CABCOCO1: variants seen among roughly 807,000 people sequenced by gnomAD.
CABCOCO1 encodes the protein ciliary-associated calcium-binding coiled-coil protein 1.
CABCOCO1 carries 28 observed loss-of-function variants against 35.7 expected under a neutral mutation model. The ratio of observed to expected loss-of-function variants is 0.78; its 90% CI spans 0.58 to 1.07. CABCOCO1 has a LOEUF of 1.07. Ranked by LOEUF, CABCOCO1 falls within the 50% of genes least tolerant of loss-of-function variation. The pLI, the probability that CABCOCO1 is intolerant of heterozygous loss-of-function variation, is 0.00. For synonymous variants in CABCOCO1, 95 were observed against 100.1 expected (o/e 0.95, Z 0.30); for missense variants, 326 against 309.2 (o/e 1.05, Z -0.41).
At chr10:61,733,785 T>C (rs554270748) in intron 5 of CABCOCO1, among the ~76,000 whole-genome samples, 1 of 152,202 alleles carries the variant, frequency 6.6e-6, no homozygotes, top group African/African-American at 2.4e-5. Flanking sequence ...TTTTAGTGGA[T>C]TTTACCTCAA....
At chr10:61,736,507 T>C (rs116311701) in intron 5 of CABCOCO1, among the ~76,000 whole-genome samples, 18,038 of 152,132 alleles carry the variant, frequency 0.12, 1,419 homozygotes, top group African/African-American at 0.19. Context: ...TACGTGCCTG[T>C]TTTTGTATCA....
At chr10:61,699,604 C>T (rs1840395039) in intron 5 of CABCOCO1, among the ~76,000 whole-genome samples, 1 of 152,080 alleles carries the variant, frequency 6.6e-6, no homozygotes, top group African/African-American at 2.4e-5. Flanking sequence ...GCTACCAACC[C>T]ATGCCTACTA....
chr10:61,758,372 A>C (rs1225735147), intron 5 of CABCOCO1, among the ~76,000 whole-genome samples: 1 of 152,118 alleles, frequency 6.6e-6, no homozygotes, highest in Non-Finnish European at 1.5e-5. Flanking sequence ...ATGAAAAACA[A>C]GAGTGCTGAA....
At chr10:61,682,885 A>ATTTTTT (rs1554821774) in intron 3 of CABCOCO1, among the ~76,000 whole-genome samples, 4 of 43,620 alleles carry the variant, frequency 9.2e-5, no homozygotes, top group Non-Finnish European at 1.2e-4. Flanking sequence ...TTTCACATGA[A>ATTTTTT]TTTCTTTTTT....
At chr10:61,715,965 T>C (rs1339564904) in intron 5 of CABCOCO1, among the ~76,000 whole-genome samples, 2 of 152,096 alleles carry the variant, frequency 1.3e-5, no homozygotes, top group Non-Finnish European at 2.9e-5. Context: ...ATTTCAACCT[T>C]GGTGAATCTG....
chr10:61,675,557 A>C (rs915190233), intron 2 of CABCOCO1, among the ~76,000 whole-genome samples: 1 of 152,236 alleles, frequency 6.6e-6, no homozygotes, highest in African/African-American at 2.4e-5. Context: ...AGTAAAAATA[A>C]AAAGCAAAGA....
At chr10:61,716,153 A>C (rs1181646855) in intron 5 of CABCOCO1, among the ~76,000 whole-genome samples, 1 of 152,188 alleles carries the variant, frequency 6.6e-6, no homozygotes, top group African/African-American at 2.4e-5. Context: ...TTTAATATTC[A>C]ATATATTTTT....
At chr10:61,703,022 A>T (rs566529142) in intron 5 of CABCOCO1, among the ~76,000 whole-genome samples, 6 of 152,258 alleles carry the variant, frequency 3.9e-5, no homozygotes, top group Admixed American at 3.9e-4. Context: ...GAGGGAAGTT[A>T]CTTTTTCTTC....
Position 61,681,264 on chromosome 10 carries a change from T to C in CABCOCO1, c.286T>C (p.Tyr96His). Reference sequence around the variant, plus strand: ...AGGAATGGATTTCTCTATTATTCAGTATTCAAAATTTATGACTTTACTAGC... The same window carrying C: ...AGGAATGGATTTCTCTATTATTCAGCATTCAAAATTTATGACTTTACTAGC... ...ARGMDFSIIQ[Y>H]SKFMTLLAMS... The change falls in exon 3 of 8, where the codon TAT (tyrosine) becomes CAT (histidine). Residue 96 changes from tyrosine (Y) to histidine (H), a missense_variant. Tyr to His is a moderately conservative substitution (Grantham distance 83). Coordinates refer to ENST00000648843, the MANE Select transcript of CABCOCO1 (RefSeq NM_001366906.2). 1 of 1,571,052 alleles carries C rather than the reference T, an allele frequency of 6.4e-7. No individual in the cohort carries two copies.
At chr10:61,742,768 C>T (rs1564553392) in intron 5 of CABCOCO1, among the ~76,000 whole-genome samples, 1 of 152,172 alleles carries the variant, frequency 6.6e-6, no homozygotes, top group Non-Finnish European at 1.5e-5. Context: ...ATCTATAGCA[C>T]AGACATCACA....
intron 2 of CABCOCO1, among the ~76,000 whole-genome samples, chr10:61,676,835 G>A (rs181736575): frequency 5.9e-5 from 9 of 152,164 alleles, no homozygotes; most frequent in Admixed American, 2.0e-4. Context: ...GCTGAGGCAG[G>A]CGGATCATGA....
At chr10:61,706,321 ATTCT>A (rs1840591909) in intron 5 of CABCOCO1, among the ~76,000 whole-genome samples, 1 of 152,244 alleles carries the variant, frequency 6.6e-6, no homozygotes, top group African/African-American at 2.4e-5. Flanking sequence ...GCAGTTCATT[ATTCT>A]TTGTTAAATA....
chr10:61,689,947 G>T lies in CABCOCO1; in HGVS notation c.480-602G>T, dbSNP rs1052067055. The stretch of plus-strand genomic sequence containing the variant: ...GCTGACCACCTAGTCTTTAGGGTAA[G>T]AACTGAAGAAATGATCTTTCTTAAA... On this transcript the variant is annotated intron_variant, in intron 4 of 7. Transcript: ENST00000648843. Among the ~76,000 whole-genome samples, 3 of 152,052 alleles carry T rather than the reference G, an allele frequency of 2.0e-5. No homozygotes were observed. In the East Asian group the frequency reaches 5.8e-4, roughly 29 times the overall value.
chr10:61,741,440 T>C (rs2132068065), intron 5 of CABCOCO1, among the ~76,000 whole-genome samples: 1 of 152,114 alleles, frequency 6.6e-6, no homozygotes, highest in Non-Finnish European at 1.5e-5. Flanking sequence ...ATTTAAGGAG[T>C]AAAGAGTATT....
Position 61,670,673 on chromosome 10 carries a change from A to G in CABCOCO1, c.61-1959A>G, listed in dbSNP as rs916556637. On this transcript the variant is annotated intron_variant, in intron 1 of 7. Transcript: ENST00000648843. ...TGGAACTCAATCGCATGGAAGGCTC[A>G]ATAACTATTTGTTGCACTGAAAAAC... 2.0e-5 allele frequency among the ~76,000 whole-genome samples: 3 copies of G among 152,256 alleles called. No homozygotes were observed. The East Asian group carries it at 5.8e-4, about 29-fold the overall frequency.
At chr10:61,680,310 CA>C (rs200625085) in intron 2 of CABCOCO1, among the ~76,000 whole-genome samples, 2 of 116,396 alleles carry the variant, frequency 1.7e-5, no homozygotes, top group Non-Finnish European at 1.7e-5. Flanking sequence ...GGCCCTGTCT[CA>C]AAAAAAATAT....
chr10:61,679,325 A>ATATC (rs781162264), intron 2 of CABCOCO1, among the ~76,000 whole-genome samples: 2 of 134,234 alleles, frequency 1.5e-5, no homozygotes, highest in African/African-American at 2.7e-5. Context: ...ATCTATATCT[A>ATATC]TATCTATCTA....
At chr10:61,712,457 C>T (rs142813579) in intron 5 of CABCOCO1, among the ~76,000 whole-genome samples, 1 of 152,044 alleles carries the variant, frequency 6.6e-6, no homozygotes, top group South Asian at 2.1e-4. Context: ...TGTAGGTTGC[C>T]TGTTCACTCT....
intron 5 of CABCOCO1, among the ~76,000 whole-genome samples, chr10:61,698,891 A>G (rs978303678): frequency 1.3e-5 from 2 of 152,190 alleles, no homozygotes; most frequent in African/African-American, 2.4e-5. Flanking sequence ...ACATTAGATC[A>G]TATTTTGGAA....
Sources: allele counts gnomAD v4.1 joint callset (sites outside exome capture counted in the v4.1 genomes callset), GRCh38; gene constraint gnomAD v4.1.1; transcripts MANE v1.5; gene names NCBI Gene and HGNC (gene_info 2026-07-23, HGNC 2026-07-21).